The following ETV6 variants were observed in gnomAD, a reference collection of about 807,000 sequenced individuals.
ETV6 encodes the protein ETS variant transcription factor 6.
In ETV6, 16 loss-of-function variants were observed where a neutral mutation model predicts 51.1. The ratio of observed to expected loss-of-function variants is 0.31; its 90% CI spans 0.21 to 0.48. ETV6 has a LOEUF of 0.48. Among genes scored for constraint, ETV6 ranks in the 20% least tolerant of loss-of-function variants. The probability of loss-of-function intolerance (pLI) is 0.99; values close to 1 mark genes in which losing one functional copy is unlikely to be tolerated. For missense variants in ETV6, 458 were observed against 594.8 expected, an observed-to-expected ratio of 0.77 and a Z score of 2.39; for synonymous variants, 240 against 224.1, an observed-to-expected ratio of 1.07 and a Z score of -0.64.
chr12:11,859,724 C>T (rs754422524), intron 4 of ETV6, among the ~76,000 whole-genome samples: 2 of 152,172 alleles, frequency 1.3e-5, no homozygotes, highest in Non-Finnish European at 2.9e-5. Flanking sequence ...GACCAAAATA[C>T]ATTTTCATAA....
intron 1 of ETV6, among the ~76,000 whole-genome samples, chr12:11,676,106 G>A (rs1822979004): frequency 6.6e-6 from 1 of 152,088 alleles, no homozygotes; most frequent in Non-Finnish European, 1.5e-5. Flanking sequence ...CACTTTCTTT[G>A]TCAGTTTGGA....
intron 1 of ETV6, among the ~76,000 whole-genome samples, chr12:11,745,363 G>A (rs1865888098): frequency 6.6e-6 from 1 of 152,196 alleles, no homozygotes; most frequent in Non-Finnish European, 1.5e-5. Context: ...CCATTTATCT[G>A]GAGACTTCAG....
intron 2 of ETV6, among the ~76,000 whole-genome samples, chr12:11,813,257 C>T (rs1398587189): frequency 6.6e-6 from 1 of 152,246 alleles, no homozygotes; most frequent in Non-Finnish European, 1.5e-5. Flanking sequence ...CCTTCCCTTT[C>T]TTCCCTGCCC....
intron 5 of ETV6, among the ~76,000 whole-genome samples, chr12:11,872,133 T>C (rs1306845556): frequency 6.6e-6 from 1 of 152,250 alleles, no homozygotes; most frequent in East Asian, 1.9e-4. Flanking sequence ...TTAAGGTAGC[T>C]CATGACTGCA....
At chr12:11,678,899 G>A (rs936687140) in intron 1 of ETV6, among the ~76,000 whole-genome samples, 6 of 152,110 alleles carry the variant, frequency 3.9e-5, no homozygotes, top group Admixed American at 1.3e-4. Flanking sequence ...CTTCCTCTGC[G>A]TCTTGTTCTT....
intron 2 of ETV6, among the ~76,000 whole-genome samples, chr12:11,838,611 C>T (rs1376318869): frequency 1.3e-5 from 2 of 152,218 alleles, no homozygotes; most frequent in South Asian, 4.1e-4. Context: ...TTTCAGGGAA[C>T]ATTTCATTAT....
rs35812814 is a variant in ETV6 at position 11,892,210 on chromosome 12, A to ATTTTTTTTTTTTT, written c.*1175_*1187dup. ...GTGGTCAGTTTCATGCCCTCACCTG[A>ATTTTTTTTTTTTT]TTTTTTTTTTTTTTTTTTTTTTTCA... is the stretch of plus-strand genomic sequence containing the variant. On this transcript the variant is annotated 3_prime_UTR_variant, in exon 8 of 8. Transcript: ENST00000396373. The ATTTTTTTTTTTTT allele has an allele frequency of 1.7e-3, 256 of 153,518 alleles. 12 individuals are homozygous for ATTTTTTTTTTTTT. The highest frequency in any genetic ancestry group is 9.9e-3 in the African/African-American group (242 of 24,342). The allele number at this position is 153,518 out of a possible 1,614,324, so 9.5% of individuals were successfully genotyped here. A position where few individuals can be genotyped will look rare whatever the true frequency, so the allele number is the denominator to read the frequency against.
At chr12:11,699,266 T>G (rs1864934050) in intron 1 of ETV6, among the ~76,000 whole-genome samples, 1 of 152,164 alleles carries the variant, frequency 6.6e-6, no homozygotes, top group Non-Finnish European at 1.5e-5. Flanking sequence ...TTGATAACAG[T>G]TTTGCTGAAT....
chr12:11,850,568 G>T (rs1946537898), intron 3 of ETV6, among the ~76,000 whole-genome samples: 1 of 148,596 alleles, frequency 6.7e-6, no homozygotes, highest in African/African-American at 2.4e-5. Flanking sequence ...GGTAGTGGTG[G>T]TGGTAGTAAA....
At chr12:11,755,997 G>T (rs1314567147) in intron 2 of ETV6, among the ~76,000 whole-genome samples, 2 of 152,046 alleles carry the variant, frequency 1.3e-5, no homozygotes, top group Non-Finnish European at 2.9e-5. Context: ...ATTATTTAAG[G>T]TTCTCATACA....
chr12:11,734,410 C>T lies in ETV6; in HGVS notation c.34-18040C>T, dbSNP rs912026664. Among the ~76,000 whole-genome samples, 6 of 151,264 alleles carry T rather than the reference C, an allele frequency of 4.0e-5. No individual in the cohort carries two copies. The East Asian group carries it at 1.2e-3, about 29-fold the overall frequency. ...TTGCTTGAGCTCAGGAGTTCGAGACCAGCCTGGGCAACATGACGAAACCTC... is the reference window on the plus strand; with the variant it reads ...TTGCTTGAGCTCAGGAGTTCGAGACTAGCCTGGGCAACATGACGAAACCTC... On this transcript the variant is annotated intron_variant, in intron 1 of 7. Coordinates refer to ENST00000396373, the MANE Select transcript of ETV6 (RefSeq NM_001987.5).
At chr12:11,806,131 A>G (rs765176059) in intron 2 of ETV6, among the ~76,000 whole-genome samples, 1 of 152,216 alleles carries the variant, frequency 6.6e-6, no homozygotes, top group Non-Finnish European at 1.5e-5. Context: ...ATATGACAAC[A>G]ACAGCTTATG....
chr12:11,703,607 A>AT (rs1269666437), intron 1 of ETV6, among the ~76,000 whole-genome samples: 2 of 152,152 alleles, frequency 1.3e-5, no homozygotes, highest in Non-Finnish European at 2.9e-5. Flanking sequence ...CTACTCAGTT[A>AT]TTTTTTATTT....
intron 2 of ETV6, among the ~76,000 whole-genome samples, chr12:11,775,043 G>A (rs888801231): frequency 6.6e-6 from 1 of 152,230 alleles, no homozygotes; most frequent in Non-Finnish European, 1.5e-5. Flanking sequence ...GACGCCCTCT[G>A]TGTGCTGTAT....
chr12:11,712,590 G>A (rs1831734880), intron 1 of ETV6, among the ~76,000 whole-genome samples: 1 of 152,234 alleles, frequency 6.6e-6, no homozygotes, highest in Non-Finnish European at 1.5e-5. Flanking sequence ...AGGGATGGCA[G>A]GCTGGAGACC....
intron 2 of ETV6, among the ~76,000 whole-genome samples, chr12:11,827,164 T>TTTTG (rs949190603): frequency 6.6e-6 from 1 of 152,032 alleles, no homozygotes; most frequent in Non-Finnish European, 1.5e-5. Context: ...GTTTGTTTTT[T>TTTTG]TTTGTTTGTT....
intron 7 of ETV6, among the ~76,000 whole-genome samples, chr12:11,888,219 A>G (rs1165627882): frequency 6.6e-6 from 1 of 152,136 alleles, no homozygotes; most frequent in African/African-American, 2.4e-5. Flanking sequence ...CCAGAAATGT[A>G]TATGACTAAC....
intron 2 of ETV6, among the ~76,000 whole-genome samples, chr12:11,792,584 G>A (rs1347554288): frequency 6.6e-6 from 1 of 152,122 alleles, no homozygotes; most frequent in African/African-American, 2.4e-5. Flanking sequence ...GTACTCGGGA[G>A]GCTGAGGTGG....
At chr12:11,676,942 A>G (rs1024344752) in intron 1 of ETV6, among the ~76,000 whole-genome samples, 3 of 152,250 alleles carry the variant, frequency 2.0e-5, no homozygotes, top group African/African-American at 7.2e-5. Flanking sequence ...AGGGTAATGC[A>G]TATCTGCAAT....
Sources: gnomAD v4.1 joint callset for allele counts (sites outside exome capture counted in the v4.1 genomes callset) on GRCh38, gnomAD v4.1.1 for gene constraint, MANE v1.5 for transcripts, NCBI Gene and HGNC (gene_info 2026-07-23, HGNC 2026-07-21) for gene names.